BLOC1S3: variants seen among roughly 807,000 people sequenced by gnomAD.
The protein encoded by BLOC1S3 is biogenesis of lysosome-related organelles complex 1 subunit 3.
In BLOC1S3, 7 loss-of-function variants were observed where a neutral mutation model predicts 9.1. That is an observed-to-expected ratio of 0.77 (90% CI 0.44 to 1.45). BLOC1S3 has a LOEUF of 1.45. Among genes scored for constraint, BLOC1S3 ranks in the 40% most tolerant of loss-of-function variants. BLOC1S3 has a pLI of 0.01. For synonymous variants in BLOC1S3, 145 were observed against 158.4 expected (o/e 0.92, Z 0.64); for missense variants, 307 against 315.2 (o/e 0.97, Z 0.20).
chr19:45,202,870 C>G (rs1319689721), intron 3 of BLOC1S3, among the ~76,000 whole-genome samples: 2 of 151,866 alleles, frequency 1.3e-5, no homozygotes, highest in Non-Finnish European at 2.9e-5. Flanking sequence ...AGTAATGAAT[C>G]CTGCCAGGAC....
At chr19:45,216,093 C>T (rs934373626) in intron 3 of BLOC1S3, 3 of 1,613,784 alleles carry the variant, frequency 1.9e-6, no homozygotes, top group Middle Eastern at 1.6e-4. Context: ...GGTAGTCGCG[C>T]ACCAACACTC....
intron 3 of BLOC1S3, among the ~76,000 whole-genome samples, chr19:45,212,100 G>T (rs1178309130): frequency 6.6e-6 from 1 of 152,228 alleles, no homozygotes; most frequent in Non-Finnish European, 1.5e-5. Context: ...CCAAGATGGA[G>T]CCACCAGGAC....
At chr19:45,212,855 C>T in intron 3 of BLOC1S3, 1 of 509,200 alleles carries the variant, frequency 2.0e-6, no homozygotes, top group South Asian at 4.2e-5. Flanking sequence ...CGGCCTCAGC[C>T]TCCCAAAGTG....
chr19:45,216,036 A>AGGGCACGGCGGCCAG, intron 3 of BLOC1S3: 1 of 1,608,846 alleles, frequency 6.2e-7, no homozygotes. Context: ...GACCTCGGCC[A>AGGGCACGGCGGCCAG]GGCACGGCGA....
At chr19:45,192,577 C>G (rs922774451) in intron 2 of BLOC1S3, among the ~76,000 whole-genome samples, 1 of 152,162 alleles carries the variant, frequency 6.6e-6, no homozygotes, top group East Asian at 1.9e-4. Context: ...AAGGCCCACA[C>G]GGAGTACTGC....
At chr19:45,213,291 G>A (rs148132329) in intron 3 of BLOC1S3, 19 of 1,613,770 alleles carry the variant, frequency 1.2e-5, no homozygotes, top group Admixed American at 1.7e-5. Flanking sequence ...CCACGGCCAG[G>A]ATCTCCTGGC....
downstream of BLOC1S3, among the ~76,000 whole-genome samples, chr19:45,184,930 AAG>A (rs1969555851): frequency 1.4e-5 from 2 of 144,110 alleles, no homozygotes; most frequent in African/African-American, 2.6e-5. Flanking sequence ...AAAAAAAAAA[AAG>A]GAAGGAAGGG....
intron 2 of BLOC1S3, among the ~76,000 whole-genome samples, chr19:45,195,550 C>T (rs530494518): frequency 6.7e-6 from 1 of 148,718 alleles, no homozygotes; most frequent in South Asian, 2.1e-4. Context: ...TGTTCTCCTC[C>T]CTCCCTCCTT....
chr19:45,208,190 T>C (rs1969741826), intron 3 of BLOC1S3, among the ~76,000 whole-genome samples: 1 of 97,100 alleles, frequency 1.0e-5, no homozygotes, highest in African/African-American at 2.9e-5. Context: ...GCCAAGCTGG[T>C]CTCGAACTCC....
At position 45,216,055 on chromosome 19, in the gene BLOC1S3, C is replaced by T. The variant is rs764252431; in HGVS notation, n.283-621C>T. The T allele has an allele frequency of 2.5e-6, 4 of 1,612,950 alleles. No homozygotes were observed. In the South Asian group the frequency reaches 3.3e-5, roughly 13 times the overall value. ...TCGGCCAGGCACGGCGAGCCCTGGC[C>T]CAGGCGGGGTGTCTCACCTGATGTC... On this transcript the variant is annotated intron_variant and non_coding_transcript_variant, in intron 3 of 3. Transcript: ENST00000591569.
chr19:45,193,347 CTCA>C (rs1213362926), intron 2 of BLOC1S3, among the ~76,000 whole-genome samples: 2 of 151,938 alleles, frequency 1.3e-5, no homozygotes, highest in Non-Finnish European at 2.9e-5. Flanking sequence ...CCCCTGCCTC[CTCA>C]TAATTGCTAT....
At chr19:45,207,623 C>T (rs1969737851) in intron 3 of BLOC1S3, among the ~76,000 whole-genome samples, 1 of 148,026 alleles carries the variant, frequency 6.8e-6, no homozygotes, top group African/African-American at 2.5e-5. Context: ...TATAGTCTCA[C>T]CTACTCGGGA....
chr19:45,204,925 G>T (rs1428686810), intron 3 of BLOC1S3, among the ~76,000 whole-genome samples: 22 of 151,960 alleles, frequency 1.4e-4, no homozygotes, highest in Non-Finnish European at 1.8e-4. Flanking sequence ...GTAGAGACAG[G>T]GTTTCTCCAT....
At position 45,207,555 on chromosome 19, in the gene BLOC1S3, C is replaced by CAAA. The variant is rs58164218; in HGVS notation, n.282+5077_282+5079dup. 3.2e-3 allele frequency among the ~76,000 whole-genome samples: 207 copies of CAAA among 64,714 alleles called. 12 individuals carry two copies. Among genetic ancestry groups the CAAA allele is most frequent in the Non-Finnish European group, 5.4e-3 (151 of 27,894 alleles). 42.5% of individuals were successfully genotyped at this position (64,714 alleles called of 152,430 possible). On this transcript the variant is annotated intron_variant and non_coding_transcript_variant, in intron 3 of 3. Transcript: ENST00000591569. Reference sequence around the variant, plus strand: ...TGGGTGACAGAGCGAGACTCTGTCTCAAAAAAAAAAAAAAAAAAAAAAAAA... The same window carrying CAAA: ...TGGGTGACAGAGCGAGACTCTGTCTCAAAAAAAAAAAAAAAAAAAAAAAAAAAA...
intron 3 of BLOC1S3, chr19:45,216,627 C>T (rs1969838269): frequency 6.5e-6 from 1 of 154,088 alleles, no homozygotes; most frequent in African/African-American, 2.4e-5. Flanking sequence ...TAGCAGAAGA[C>T]ATACTATGGC....
At position 45,179,238 on chromosome 19, in the gene BLOC1S3, C is replaced by G; in HGVS notation, c.-9-50C>G. ...GGGAATCCAGGACCTGCGCCTTTTA[C>G]CCACCGCGGCGCCGGTCTCACGTGC... On this transcript the variant is annotated intron_variant, in intron 1 of 1. Coordinates refer to ENST00000433642, the MANE Select transcript of BLOC1S3 (RefSeq NM_212550.5). This position sits in a 1 kb window ranked among gnomAD's most constrained non-coding sequence, Gnocchi z 4.6. 6.9e-7 allele frequency: 1 copy of G among 1,448,998 alleles called. No homozygotes were observed. Among genetic ancestry groups the G allele is most frequent in the South Asian group, 1.4e-5 (1 of 73,414 alleles). 89.8% of individuals were successfully genotyped at this position (1,448,998 alleles called of 1,614,324 possible). A position where few individuals can be genotyped will look rare whatever the true frequency, so the allele number is the denominator to read the frequency against.
chr19:45,205,537 C>G (rs1200055616), intron 3 of BLOC1S3, among the ~76,000 whole-genome samples: 1 of 152,170 alleles, frequency 6.6e-6, no homozygotes, highest in Non-Finnish European at 1.5e-5. Flanking sequence ...AAATGCAAAA[C>G]TTAACATTTC....
At chr19:45,209,050 T>G (rs1372367207) in intron 3 of BLOC1S3, among the ~76,000 whole-genome samples, 2 of 151,982 alleles carry the variant, frequency 1.3e-5, no homozygotes, top group Non-Finnish European at 2.9e-5. Context: ...GTTTTGTTTT[T>G]TTTTTGTTGT....
chr19:45,209,718 G>T (rs1162348000), intron 3 of BLOC1S3, among the ~76,000 whole-genome samples: 1 of 151,442 alleles, frequency 6.6e-6, no homozygotes, highest in African/African-American at 2.4e-5. Context: ...ACCATGCCCG[G>T]CCTATTTTAT....
Sources: gnomAD v4.1 joint callset for allele counts (sites outside exome capture counted in the v4.1 genomes callset) on GRCh38, gnomAD v4.1.1 for gene constraint, Gnocchi (gnomAD v3.1) non-coding constraint, MANE v1.5 for transcripts, NCBI Gene and HGNC (gene_info 2026-07-23, HGNC 2026-07-21) for gene names.